Variants in CREB5 observed in about 807,000 individuals in gnomAD.
The protein encoded by CREB5 is cAMP responsive element binding protein 5.
Under a neutral mutation model 57.1 loss-of-function variants are expected in CREB5, and 19 were observed. The observed-to-expected ratio is 0.33, with a 90% CI of 0.23 to 0.49. CREB5 has a LOEUF of 0.49. Ranked by LOEUF, CREB5 falls within the 20% of genes least tolerant of loss-of-function variation. The pLI is 0.99. For synonymous variants in CREB5, 238 were observed against 238.3 expected (o/e 1.00, Z 0.01); for missense variants, 579 against 671.6 (o/e 0.86, Z 1.52).
At chr7:28,387,597 A>C (rs546285478) in intron 1 of CREB5, among the ~76,000 whole-genome samples, 84 of 152,080 alleles carry the variant, frequency 5.5e-4, no homozygotes, top group Non-Finnish European at 8.5e-4. Context: ...ACACATGGAC[A>C]CATGTGAAAG....
intron 4 of CREB5, among the ~76,000 whole-genome samples, chr7:28,551,904 T>C (rs1583615326): frequency 1.4e-5 from 2 of 144,232 alleles, no homozygotes; most frequent in East Asian, 4.3e-4. Flanking sequence ...TCTTTCTCTT[T>C]TCTTTTCTTT....
At chr7:28,678,313 C>T (rs1208811273) in intron 5 of CREB5, among the ~76,000 whole-genome samples, 1 of 151,646 alleles carries the variant, frequency 6.6e-6, no homozygotes, top group Non-Finnish European at 1.5e-5. Flanking sequence ...GCTTGAACCC[C>T]GGAGGTGGAG....
At chr7:28,733,701 G>A (rs761329384) in intron 7 of CREB5, among the ~76,000 whole-genome samples, 1 of 152,122 alleles carries the variant, frequency 6.6e-6, no homozygotes, top group African/African-American at 2.4e-5. Flanking sequence ...CCGCCAGCCT[G>A]CAAGCTCCAT....
chr7:28,792,059 C>A (rs1409814933), intron 7 of CREB5, among the ~76,000 whole-genome samples: 1 of 152,130 alleles, frequency 6.6e-6, no homozygotes, highest in Non-Finnish European at 1.5e-5. Context: ...AATCCCAGCA[C>A]CTTGGAAGGC....
chr7:28,458,751 T>A (rs1314230185), intron 1 of CREB5, among the ~76,000 whole-genome samples: 4 of 152,150 alleles, frequency 2.6e-5, no homozygotes, highest in Admixed American at 1.3e-4. Flanking sequence ...AAAATATGGA[T>A]GTGATAGTAT....
chr7:28,409,814 C>G (rs1234490270), upstream of CREB5: 1 of 449,644 alleles, frequency 2.2e-6, no homozygotes, highest in Non-Finnish European at 4.5e-6. The surrounding 1 kb of genome is among the most constrained non-coding windows in gnomAD (Gnocchi z 4.4). Context: ...CGAGTCCGCC[C>G]GGCGTGCGTG....
chr7:28,353,215 G>A (rs571550763), intron 1 of CREB5, among the ~76,000 whole-genome samples: 9 of 152,202 alleles, frequency 5.9e-5, no homozygotes, highest in South Asian at 2.1e-4. Flanking sequence ...TCAGCCTCCC[G>A]AATAGCTGGG....
chr7:28,738,618 G>A (rs1804169597), intron 7 of CREB5, among the ~76,000 whole-genome samples: 1 of 152,188 alleles, frequency 6.6e-6, no homozygotes, highest in Non-Finnish European at 1.5e-5. Flanking sequence ...TTTCTTAAAG[G>A]GCAAGTCTGG....
intron 1 of CREB5, among the ~76,000 whole-genome samples, chr7:28,437,124 G>A (rs1219224377): frequency 6.6e-6 from 1 of 152,118 alleles, no homozygotes; most frequent in Admixed American, 6.5e-5. Flanking sequence ...ACAGAGATGA[G>A]CACCTGTTAA....
At chr7:28,328,652 A>G (rs1422949507) in intron 1 of CREB5, among the ~76,000 whole-genome samples, 3 of 152,252 alleles carry the variant, frequency 2.0e-5, no homozygotes, top group Admixed American at 6.5e-5. Flanking sequence ...GGCGTCTGCT[A>G]TATGTATAGC....
rs573062579 is a variant in CREB5, at chr7:28,768,646, T to C, written c.703-35553T>C. The stretch of plus-strand genomic sequence containing the variant: ...TGTGTGTGTTTGAGGGAAGAAGAAT[T>C]CTTGCATAGGTTCTCTTCCAGTTCT... On this transcript the variant is annotated intron_variant, in intron 7 of 10. Coordinates refer to ENST00000357727, the MANE Select transcript of CREB5 (RefSeq NM_182898.4). Among the ~76,000 whole-genome samples the C allele has an allele frequency of 4.6e-5, 7 of 152,252 alleles. No individual in the cohort carries two copies. The South Asian group carries it at 1.5e-3, about 32-fold the overall frequency.
At chr7:28,314,249 T>C (rs901111235) in intron 1 of CREB5, among the ~76,000 whole-genome samples, 1 of 152,182 alleles carries the variant, frequency 6.6e-6, no homozygotes, top group African/African-American at 2.4e-5. Context: ...AGCACAACAG[T>C]CCTGTTAAAC....
intron 1 of CREB5, among the ~76,000 whole-genome samples, chr7:28,352,772 C>T (rs1201615953): frequency 6.6e-6 from 1 of 152,214 alleles, no homozygotes; most frequent in African/African-American, 2.4e-5. Context: ...AGGAAACCAA[C>T]CACATCTACT....
chr7:28,701,365 G>A (rs1234884348), intron 5 of CREB5, among the ~76,000 whole-genome samples: 2 of 151,980 alleles, frequency 1.3e-5, no homozygotes, highest in African/African-American at 4.8e-5. Context: ...TTTGTAAATG[G>A]GCCAACTTTG....
intron 8 of CREB5, 60 bp downstream of exon 8, chr7:28,804,582 T>A (rs1175166426): frequency 6.4e-7 from 1 of 1,563,870 alleles, no homozygotes; most frequent in African/African-American, 1.4e-5. Flanking sequence ...GTGCAAGCTC[T>A]AATGCTGGGG....
chr7:28,631,313 AAAACCAAGCATCAG>A (rs370371745), intron 5 of CREB5, among the ~76,000 whole-genome samples: 6 of 152,166 alleles, frequency 3.9e-5, no homozygotes, highest in African/African-American at 1.4e-4. Context: ...AACAGCCTTA[AAAACCAAGCATCAG>A]AAACCCTGCG....
chr7:28,507,867 C>T (rs1020326083), intron 4 of CREB5, 130 bp downstream of exon 4: 6 of 1,154,248 alleles, frequency 5.2e-6, no homozygotes, highest in Middle Eastern at 3.2e-4. Context: ...GAGTATTTGT[C>T]TAATTTTTTT....
At chr7:28,643,270 A>C (rs1173448570) in intron 5 of CREB5, among the ~76,000 whole-genome samples, 2 of 152,146 alleles carry the variant, frequency 1.3e-5, no homozygotes, top group Non-Finnish European at 2.9e-5. Context: ...TTCCAAAAAC[A>C]CTTGCAAATT....
intron 7 of CREB5, among the ~76,000 whole-genome samples, chr7:28,746,925 T>C (rs1163064703): frequency 1.3e-5 from 2 of 152,202 alleles, no homozygotes; most frequent in Non-Finnish European, 1.5e-5. Flanking sequence ...GGAAGGCTGA[T>C]GAAGGTGGAA....
Sources: allele counts gnomAD v4.1 joint callset (sites outside exome capture counted in the v4.1 genomes callset), GRCh38; gene constraint gnomAD v4.1.1; non-coding constraint Gnocchi (gnomAD v3.1); transcripts MANE v1.5; gene names NCBI Gene and HGNC (gene_info 2026-07-23, HGNC 2026-07-21).